AQP9: variants seen among roughly 807,000 people sequenced by gnomAD.
AQP9 encodes the protein aquaporin 9.
Under a neutral mutation model 23.8 loss-of-function variants are expected in AQP9, and 19 were observed. The ratio of observed to expected loss-of-function variants is 0.80; its 90% CI spans 0.56 to 1.17. The LOEUF (loss-of-function observed/expected upper bound fraction) is 1.17. Ranked by LOEUF, AQP9 falls within the 50% of genes most tolerant of loss-of-function variation. AQP9 has a pLI of 0.00. For missense variants in AQP9, 413 were observed against 362.0 expected (o/e 1.14, Z -1.14); for synonymous variants, 153 against 131.5 (o/e 1.16, Z -1.12).
chr15:58,182,699 G>A (rs868105655), intron 5 of AQP9, among the ~76,000 whole-genome samples: 4 of 152,168 alleles, frequency 2.6e-5, no homozygotes, highest in Admixed American at 6.5e-5. Flanking sequence ...GAGGGCGGCC[G>A]AGTACAGCAT....
chr15:58,156,661 C>A (rs779206019), intron 1 of AQP9, among the ~76,000 whole-genome samples: 1 of 152,186 alleles, frequency 6.6e-6, no homozygotes, highest in East Asian at 1.9e-4. Flanking sequence ...ACTTAACACC[C>A]TCCTCTTAAT....
At chr15:58,145,013 CAAAAAAAAAA>C (rs66782655) in intron 1 of AQP9, among the ~76,000 whole-genome samples, 1 of 50,756 alleles carries the variant, frequency 2.0e-5, no homozygotes, top group South Asian at 7.1e-4. Context: ...GACTCCATCT[CAAAAAAAAAA>C]AAAAAAAAAA....
intron 4 of AQP9, among the ~76,000 whole-genome samples, chr15:58,175,354 A>T (rs1353934765): frequency 6.6e-6 from 1 of 152,242 alleles, no homozygotes; most frequent in African/African-American, 2.4e-5. Flanking sequence ...CTTTTGAACA[A>T]GTGGTCTAAG....
At chr15:58,174,750 T>C (rs552881931) in intron 3 of AQP9, among the ~76,000 whole-genome samples, 168 bp from the exon 4 acceptor site, 3 of 152,314 alleles carry the variant, frequency 2.0e-5, no homozygotes, top group South Asian at 4.1e-4. Context: ...ATCCTGGGAT[T>C]CACCTGGGCA....
At chr15:58,147,522 C>T (rs1347563367) in intron 1 of AQP9, among the ~76,000 whole-genome samples, 2 of 152,156 alleles carry the variant, frequency 1.3e-5, no homozygotes, top group African/African-American at 4.8e-5. Context: ...AGAAACTATG[C>T]CAGCAAAGTG....
chr15:58,145,487 CAAA>C (rs199682588), intron 1 of AQP9, among the ~76,000 whole-genome samples: 2 of 99,432 alleles, frequency 2.0e-5, no homozygotes, highest in African/African-American at 3.6e-5. Context: ...ACTTTGTGTC[CAAA>C]AAAAAAAAAA....
chr15:58,153,638 T>C (rs1425210156), intron 1 of AQP9: 4 of 152,162 alleles, frequency 2.6e-5, no homozygotes, highest in Non-Finnish European at 2.9e-5. Flanking sequence ...ATAATCTCAG[T>C]GATGAACAAG....
At chr15:58,183,200 A>C (rs1202086958) in intron 5 of AQP9, among the ~76,000 whole-genome samples, 1 of 152,176 alleles carries the variant, frequency 6.6e-6, no homozygotes, top group Non-Finnish European at 1.5e-5. Context: ...CTTTTATCTT[A>C]AATGTATATA....
intron 1 of AQP9, among the ~76,000 whole-genome samples, chr15:58,160,682 G>T (rs542871992): frequency 2.0e-5 from 3 of 152,068 alleles, no homozygotes; most frequent in African/African-American, 7.2e-5. Flanking sequence ...TTTTGGGGGT[G>T]GGGGGTCGGT....
chr15:58,180,008 G>GT (rs1452129923), intron 5 of AQP9, among the ~76,000 whole-genome samples: 1 of 152,196 alleles, frequency 6.6e-6, no homozygotes, highest in Non-Finnish European at 1.5e-5. Context: ...CAGGACAGAC[G>GT]TAAGATTGAG....
intron 1 of AQP9, among the ~76,000 whole-genome samples, chr15:58,145,397 G>A (rs1238982040): frequency 6.6e-6 from 1 of 151,842 alleles, no homozygotes; most frequent in African/African-American, 2.4e-5. Context: ...CAGCTACTCA[G>A]GAGGCTGAGG....
intron 1 of AQP9, among the ~76,000 whole-genome samples, chr15:58,143,157 G>T (rs1343566775): frequency 2.6e-5 from 4 of 152,168 alleles, no homozygotes; most frequent in African/African-American, 9.7e-5. Context: ...TATGTTCAAT[G>T]CTCAGTCCTT....
At chr15:58,176,129 G>T (rs954917713) in intron 4 of AQP9, among the ~76,000 whole-genome samples, 9 of 152,152 alleles carry the variant, frequency 5.9e-5, no homozygotes, top group Admixed American at 4.6e-4. Context: ...AGGATAAAAA[G>T]AATAATATGA....
At position 58,184,156 on chromosome 15, in the gene AQP9, T is replaced by G. The variant is rs74016588; in HGVS notation, c.*21T>G. On this transcript the variant is annotated 3_prime_UTR_variant, in exon 6 of 6. Coordinates refer to ENST00000219919, the MANE Select transcript of AQP9 (RefSeq NM_020980.5). Reference sequence around the variant, plus strand: ...TGTAGTGGCATGCTCAGCTCTGGATTTGCAGTCAGTTTGGGATTCTCTTCA... The same window carrying G: ...TGTAGTGGCATGCTCAGCTCTGGATGTGCAGTCAGTTTGGGATTCTCTTCA... 2,809 of 1,607,970 alleles carry G rather than the reference T, an allele frequency of 1.7e-3. 44 individuals carry two copies. The African/African-American group carries it at 0.031, about 18-fold the overall frequency.
At chr15:58,156,904 T>C (rs1191606408) in intron 1 of AQP9, among the ~76,000 whole-genome samples, 1 of 152,166 alleles carries the variant, frequency 6.6e-6, no homozygotes, top group Non-Finnish European at 1.5e-5. Context: ...ACCCTACATA[T>C]GTCCTCAGGA....
At chr15:58,149,353 G>A (rs184198155) in intron 1 of AQP9, among the ~76,000 whole-genome samples, 4 of 152,216 alleles carry the variant, frequency 2.6e-5, no homozygotes, top group East Asian at 1.9e-4. Flanking sequence ...TCACCATGGC[G>A]CAAATGCCAT....
chr15:58,159,152 A>G (rs984830286), intron 1 of AQP9, among the ~76,000 whole-genome samples: 5 of 152,170 alleles, frequency 3.3e-5, no homozygotes, highest in African/African-American at 9.7e-5. Context: ...CGGGTTTTAC[A>G]TTGTGTCCAA....
intron 1 of AQP9, among the ~76,000 whole-genome samples, chr15:58,160,193 G>A (rs1223341824): frequency 6.6e-6 from 1 of 151,862 alleles, no homozygotes; most frequent in Non-Finnish European, 1.5e-5. Flanking sequence ...TTTTAACTGG[G>A]GTGAGACGCT....
chr15:58,157,540 G>A (rs1595733730), intron 1 of AQP9, among the ~76,000 whole-genome samples: 1 of 152,184 alleles, frequency 6.6e-6, no homozygotes, highest in Non-Finnish European at 1.5e-5. Context: ...CCATGTGGCT[G>A]TTGGGTGTGG....
Sources: gnomAD v4.1 joint callset for allele counts (sites outside exome capture counted in the v4.1 genomes callset) on GRCh38, gnomAD v4.1.1 for gene constraint, MANE v1.5 for transcripts, NCBI Gene and HGNC (gene_info 2026-07-23, HGNC 2026-07-21) for gene names.